Variants in ZFHX3 observed in about 807,000 individuals in gnomAD.
The protein encoded by ZFHX3 is zinc finger homeobox 3.
ZFHX3 carries 42 observed loss-of-function variants against 279.1 expected under a neutral mutation model. The observed-to-expected ratio is 0.15, with a 90% CI of 0.12 to 0.19. The LOEUF (loss-of-function observed/expected upper bound fraction) is 0.19, where lower values mean the gene tolerates loss of function less well. Ranked by LOEUF, ZFHX3 falls within the 10% of genes least tolerant of loss-of-function variation. The pLI is 1.00. For missense variants in ZFHX3, 4,981 were observed against 4,754.0 expected (o/e 1.05, Z -1.40); for synonymous variants, 2,293 against 1,957.8 (o/e 1.17, Z -4.52).
intron 3 of ZFHX3, among the ~76,000 whole-genome samples, chr16:73,412,204 T>C (rs1184326618): frequency 6.6e-6 from 1 of 151,288 alleles, no homozygotes; most frequent in African/African-American, 2.4e-5. Flanking sequence ...CGCACACCTG[T>C]AATCCCAGCT....
chr16:72,995,095 C>A (rs749184271), intron 1 of ZFHX3, among the ~76,000 whole-genome samples: 11 of 152,204 alleles, frequency 7.2e-5, no homozygotes, highest in Non-Finnish European at 1.3e-4. Flanking sequence ...AGGGTTCCCA[C>A]TCCTACAGCC....
chr16:73,383,257 T>C (rs1597310582), intron 3 of ZFHX3, among the ~76,000 whole-genome samples: 1 of 152,180 alleles, frequency 6.6e-6, no homozygotes, highest in Non-Finnish European at 1.5e-5. Flanking sequence ...GTTTGGAAAC[T>C]CTGGCCACCC....
At chr16:73,243,861 T>C (rs1285744618) in intron 5 of ZFHX3, among the ~76,000 whole-genome samples, 1 of 152,106 alleles carries the variant, frequency 6.6e-6, no homozygotes, top group Non-Finnish European at 1.5e-5. Context: ...TTGGAATTGA[T>C]AATAATAATA....
At chr16:73,752,017 A>C (rs1343391665) in intron 1 of ZFHX3, among the ~76,000 whole-genome samples, 1 of 152,200 alleles carries the variant, frequency 6.6e-6, no homozygotes, top group Non-Finnish European at 1.5e-5. Context: ...AAGGGGAACA[A>C]TGTTAAAACT....
At chr16:73,625,786 G>A (rs1210440270) in intron 2 of ZFHX3, among the ~76,000 whole-genome samples, 1 of 152,214 alleles carries the variant, frequency 6.6e-6, no homozygotes, top group African/African-American at 2.4e-5. Flanking sequence ...TGATGTTGGT[G>A]GTCCCAGAAC....
chr16:72,879,317 G>GTT (rs2144014841), intron 4 of ZFHX3, among the ~76,000 whole-genome samples: 1 of 152,290 alleles, frequency 6.6e-6, no homozygotes, highest in African/African-American at 2.4e-5. Context: ...ATAGAAAATT[G>GTT]TAAGGCTCTA....
At chr16:73,400,219 T>G (rs12933761) in intron 3 of ZFHX3, 55,592 of 152,044 alleles carry the variant, frequency 0.37, 10,267 homozygotes, top group Middle Eastern at 0.4. Flanking sequence ...AGTTCCTGCC[T>G]TCCTTACTTC....
intron 3 of ZFHX3, among the ~76,000 whole-genome samples, chr16:72,903,968 G>A (rs2039104344): frequency 6.6e-6 from 1 of 152,174 alleles, no homozygotes; most frequent in Non-Finnish European, 1.5e-5. Flanking sequence ...TGCTGTGCGT[G>A]TTGCAAACCA....
At chr16:73,310,756 A>G (rs1172606095) in intron 4 of ZFHX3, among the ~76,000 whole-genome samples, 1 of 152,254 alleles carries the variant, frequency 6.6e-6, no homozygotes, top group Non-Finnish European at 1.5e-5. Flanking sequence ...TTCTAACAAT[A>G]AAAGAATCGT....
At chr16:73,581,296 C>A (rs2051858287) in intron 2 of ZFHX3, among the ~76,000 whole-genome samples, 1 of 151,756 alleles carries the variant, frequency 6.6e-6, no homozygotes, top group South Asian at 2.1e-4. Context: ...TATATGATTT[C>A]ATATGAAATA....
In ZFHX3 at chr16:72,786,061, G is replaced by C. The variant is rs977985721; in HGVS notation, c.*1103C>G. 1 of 152,112 alleles carries C rather than the reference G, an allele frequency of 6.6e-6. No individual in the cohort carries two copies. The highest frequency in any genetic ancestry group is 1.5e-5 in the Non-Finnish European group (1 of 68,024). The allele number at this position is 152,112 out of a possible 1,614,324, so 9.4% of individuals were successfully genotyped here. A position where few individuals can be genotyped will look rare whatever the true frequency, so the allele number is the denominator to read the frequency against. On this transcript the variant is annotated 3_prime_UTR_variant, in exon 10 of 10. Coordinates refer to ENST00000268489, the MANE Select transcript of ZFHX3 (RefSeq NM_006885.4). ...TGGGAGATTATAGGACGGGAGGTGG[G>C]AGAAGGAAAGAGAAAGTGGAATTAA...
At chr16:72,884,358 C>G (rs2038570607) in intron 4 of ZFHX3, among the ~76,000 whole-genome samples, 1 of 152,170 alleles carries the variant, frequency 6.6e-6, no homozygotes, top group Non-Finnish European at 1.5e-5. Context: ...CAAAACAAGT[C>G]TCTTAAATTC....
intron 3 of ZFHX3, among the ~76,000 whole-genome samples, chr16:73,378,809 T>C (rs1676631055): frequency 6.6e-6 from 1 of 152,238 alleles, no homozygotes; most frequent in African/African-American, 2.4e-5. Flanking sequence ...TCTCCCTTTA[T>C]GCCAAGCTCA....
chr16:73,711,887 G>C (rs1567558608), intron 1 of ZFHX3, among the ~76,000 whole-genome samples: 1 of 152,162 alleles, frequency 6.6e-6, no homozygotes, highest in East Asian at 1.9e-4. Context: ...AATCTATAAA[G>C]GGGCCCTCCA....
chr16:73,494,864 G>A (rs555112179), intron 2 of ZFHX3, among the ~76,000 whole-genome samples: 2 of 152,136 alleles, frequency 1.3e-5, no homozygotes, highest in South Asian at 2.1e-4. Flanking sequence ...CTCTGCGCCC[G>A]GCAAAACTAC....
intron 5 of ZFHX3, among the ~76,000 whole-genome samples, chr16:73,159,796 T>C (rs1194052674): frequency 6.6e-6 from 1 of 152,218 alleles, no homozygotes; most frequent in East Asian, 1.9e-4. Context: ...AGAGTCTTGC[T>C]CTGTCACTCA....
At chr16:72,961,700 G>C (rs1185373787) in intron 1 of ZFHX3, among the ~76,000 whole-genome samples, 1 of 152,130 alleles carries the variant, frequency 6.6e-6, no homozygotes, top group Non-Finnish European at 1.5e-5. Context: ...AAAAACTGGG[G>C]AAGGCAGGTT....
Position 72,794,032 on chromosome 16 carries a change from A to G in ZFHX3, c.8650T>C (p.Ser2884Pro), listed in dbSNP as rs915158684. Residue 2884 changes from serine (S) to proline (P), a missense_variant, in exon 9 of 10, where the codon TCT (serine) becomes CCT (proline). Physicochemically the swap from Ser to Pro is moderately conservative, Grantham distance 74. Coordinates refer to ENST00000268489, the MANE Select transcript of ZFHX3 (RefSeq NM_006885.4). This position sits in a 1 kb window ranked among gnomAD's most constrained non-coding sequence, Gnocchi z 4.2. ...GATGACAACCGATCTTCATACTCAG[A>G]CATTGCCATCATGGCCGCTTTGGTC... ...GLTKAAMMAM[S>P]EYEDRLSSGL... The G allele has an allele frequency of 3.7e-6, 6 of 1,614,070 alleles. No homozygotes were observed. Among genetic ancestry groups the G allele is most frequent in the Non-Finnish European group, 4.2e-6 (5 of 1,180,030 alleles).
At chr16:73,640,609 T>C (rs2052565046) in intron 2 of ZFHX3, among the ~76,000 whole-genome samples, 1 of 151,900 alleles carries the variant, frequency 6.6e-6, no homozygotes, top group Non-Finnish European at 1.5e-5. Context: ...AAAATCAAGT[T>C]GAATGGTAGG....
Sources: gnomAD v4.1 joint callset for allele counts (sites outside exome capture counted in the v4.1 genomes callset) on GRCh38, gnomAD v4.1.1 for gene constraint, Gnocchi (gnomAD v3.1) non-coding constraint, MANE v1.5 for transcripts, NCBI Gene and HGNC (gene_info 2026-07-23, HGNC 2026-07-21) for gene names.